Variants in ATP11C observed in about 807,000 individuals in gnomAD.
The protein encoded by ATP11C is phospholipid-transporting ATPase IG.
In ATP11C, 36 loss-of-function variants were observed where a neutral mutation model predicts 97.4. The ratio of observed to expected loss-of-function variants is 0.37; its 90% CI spans 0.28 to 0.49. The LOEUF is 0.49. Among genes scored for constraint, ATP11C ranks in the 20% least tolerant of loss-of-function variants. ATP11C has a pLI of 0.98. For missense variants in ATP11C, 730 were observed against 824.6 expected, an observed-to-expected ratio of 0.89 and a Z score of 1.40; for synonymous variants, 275 against 290.9, an observed-to-expected ratio of 0.95 and a Z score of 0.56.
chrX:139,785,242 A>C lies in ATP11C; in HGVS notation c.1650T>G (p.Ile550Met). The change falls in exon 16 of 30, where the codon ATT (isoleucine) becomes ATG (methionine). Residue 550 changes from isoleucine to methionine, a missense_variant. Physicochemically the swap from Ile to Met is conservative, Grantham distance 10. Transcript: ENST00000682941. Reference sequence around the variant, plus strand: ...GACATGTACCTTCTTGAGTCTTCACAATTACACTCATACGTCGCCGGACAG... The same window carrying C: ...GACATGTACCTTCTTGAGTCTTCACCATTACACTCATACGTCGCCGGACAG... ...FDAVRRRMSV[I>M]VKTQEGDILL... 1 of 1,207,849 alleles carries C rather than the reference A, an allele frequency of 8.3e-7. No individual in the cohort carries two copies. The highest frequency in any genetic ancestry group is 1.1e-6 in the Non-Finnish European group (1 of 892,912).
At chrX:139,736,858 C>T (rs779420226) in intron 28 of ATP11C, among the ~76,000 whole-genome samples, 12 of 111,089 alleles carry the variant, frequency 1.1e-4, no homozygotes, top group Admixed American at 1.1e-3. Flanking sequence ...CACTGACTTG[C>T]GACATGAATC....
chrX:139,905,471 T>G (rs866771489), intron 1 of ATP11C, among the ~76,000 whole-genome samples: 70 of 111,893 alleles, frequency 6.3e-4, no homozygotes, highest in African/African-American at 2.1e-3. Context: ...TGTATTTTCA[T>G]TATATAACAA....
At chrX:139,791,381 G>C (rs1241033939) in intron 12 of ATP11C, among the ~76,000 whole-genome samples, 1 of 111,937 alleles carries the variant, frequency 8.9e-6, no homozygotes, top group Admixed American at 9.5e-5. Flanking sequence ...TAGTGTCAAA[G>C]ATGGTAGCTT....
chrX:139,908,480 CTTTTGT>C (rs1378028990), intron 1 of ATP11C, among the ~76,000 whole-genome samples: 1 of 112,474 alleles, frequency 8.9e-6, no homozygotes, highest in Non-Finnish European at 1.9e-5. Flanking sequence ...ACATGAACCA[CTTTTGT>C]TTTTATTTAC....
intron 1 of ATP11C, among the ~76,000 whole-genome samples, chrX:139,921,610 CAGTCAGATCTGAA>C (rs1261113669): frequency 8.9e-6 from 1 of 111,828 alleles, no homozygotes; most frequent in Non-Finnish European, 1.9e-5. Flanking sequence ...CCGAATGATG[CAGTCAGATCTGAA>C]AGTCTATCAA....
At chrX:139,795,760 G>A (rs2082780408) in intron 12 of ATP11C, among the ~76,000 whole-genome samples, 1 of 111,638 alleles carries the variant, frequency 9.0e-6, no homozygotes, top group Admixed American at 9.5e-5. Context: ...TGCATTTTGA[G>A]GAGTACATGC....
At chrX:139,890,258 T>C (rs1324180817) in intron 1 of ATP11C, among the ~76,000 whole-genome samples, 1 of 111,299 alleles carries the variant, frequency 9.0e-6, no homozygotes, top group African/African-American at 3.3e-5. Context: ...TGGTTTTGTG[T>C]GGTGGTTCAC....
chrX:139,826,588 A>T, intron 2 of ATP11C, 116 bp downstream of exon 2: 1 of 532,130 alleles, frequency 1.9e-6, no homozygotes, highest in Non-Finnish European at 3.0e-6. Context: ...TATGATCCAT[A>T]TACATGCAAA....
At chrX:139,887,282 T>G (rs1053269978) in intron 1 of ATP11C, among the ~76,000 whole-genome samples, 10 of 111,847 alleles carry the variant, frequency 8.9e-5, no homozygotes, top group African/African-American at 3.2e-4. Context: ...ATATTCATGA[T>G]CCTGAGTTGG....
At chrX:139,732,735 G>A (rs1039339521) in intron 28 of ATP11C, among the ~76,000 whole-genome samples, 1 of 111,503 alleles carries the variant, frequency 9.0e-6, no homozygotes, top group Middle Eastern at 4.6e-3. Context: ...CTATTATTAC[G>A]TGCCAACTAC....
At chrX:139,906,426 C>CG (rs1556411695) in intron 1 of ATP11C, among the ~76,000 whole-genome samples, 2 of 2,830 alleles carry the variant, frequency 7.1e-4, no homozygotes, top group Non-Finnish European at 1.2e-3. Flanking sequence ...CCAAAAAAAA[C>CG]GAAAAAAAAA....
rs2085463850 is a variant in ATP11C, at chrX:139,932,787, C to T, written c.-745G>A. 1.8e-5 allele frequency: 2 copies of T among 111,994 alleles called. No homozygotes were observed. Among genetic ancestry groups the T allele is most frequent in the African/African-American group, 3.2e-5 (1 of 30,838 alleles). The allele number at this position is 111,994 out of a possible 1,213,427, so 9.2% of individuals were successfully genotyped here. A position where few individuals can be genotyped will look rare whatever the true frequency, so the allele number is the denominator to read the frequency against. On this transcript the variant is annotated 5_prime_UTR_variant, in exon 1 of 30. Coordinates refer to ENST00000682941, the MANE Select transcript of ATP11C (RefSeq NM_001353812.2). ...CCTGAGCCAGCCGACGGCCAGACTC[C>T]CTCTTCCGGGCGTGGTGGAGCCGGG...
chrX:139,834,983 G>A (rs969435557), intron 1 of ATP11C, among the ~76,000 whole-genome samples: 1 of 112,207 alleles, frequency 8.9e-6, no homozygotes, highest in African/African-American at 3.2e-5. Context: ...ATCACATTCT[G>A]TACAACATGT....
At chrX:139,889,328 C>T (rs1451947839) in intron 1 of ATP11C, among the ~76,000 whole-genome samples, 1 of 111,805 alleles carries the variant, frequency 8.9e-6, no homozygotes, top group Non-Finnish European at 1.9e-5. Flanking sequence ...AAAGGCTATA[C>T]ATTTTGATCC....
At chrX:139,768,614 A>G (rs2082184536) in intron 19 of ATP11C, among the ~76,000 whole-genome samples, 180 bp from the exon 20 acceptor site, 1 of 110,857 alleles carries the variant, frequency 9.0e-6, no homozygotes, top group South Asian at 3.8e-4. Context: ...GTGATTTGCA[A>G]TCGTATCTTT....
intron 2 of ATP11C, among the ~76,000 whole-genome samples, chrX:139,825,163 G>T (rs1460154179): frequency 1.8e-5 from 2 of 110,616 alleles, no homozygotes; most frequent in African/African-American, 3.3e-5. Context: ...TTGAGTTGTC[G>T]CCCCATGCCA....
At chrX:139,906,392 T>G (rs2084976241) in intron 1 of ATP11C, among the ~76,000 whole-genome samples, 1 of 99,289 alleles carries the variant, frequency 1.0e-5, no homozygotes, top group Non-Finnish European at 2.0e-5. Flanking sequence ...ACTCCAGCCT[T>G]GGTGACAGGG....
chrX:139,770,286 A>AT (rs1853269085), intron 19 of ATP11C, among the ~76,000 whole-genome samples: 1 of 112,354 alleles, frequency 8.9e-6, no homozygotes, highest in African/African-American at 3.2e-5. Context: ...TCAATGGTTG[A>AT]TGTCCAGTTA....
intron 1 of ATP11C, among the ~76,000 whole-genome samples, chrX:139,860,482 T>A (rs186186158): frequency 1.8e-3 from 201 of 112,205 alleles, no homozygotes; most frequent in African/African-American, 6.0e-3. Flanking sequence ...GTCTCATATA[T>A]CCTGTACCTC....
Sources: allele counts gnomAD v4.1 joint callset (sites outside exome capture counted in the v4.1 genomes callset), GRCh38; gene constraint gnomAD v4.1.1; transcripts MANE v1.5; gene names NCBI Gene and HGNC (gene_info 2026-07-23, HGNC 2026-07-21).